CKM: variants seen among roughly 807,000 people sequenced by gnomAD.
CKM encodes the protein creatine kinase M-type.
Under a neutral mutation model 35.4 loss-of-function variants are expected in CKM, and 28 were observed. The ratio of observed to expected loss-of-function variants is 0.79; its 90% CI spans 0.59 to 1.08. The LOEUF (loss-of-function observed/expected upper bound fraction) is 1.08. CKM is among the 50% of genes least tolerant of loss of function. The pLI is 0.00. For missense variants in CKM, 484 were observed against 509.8 expected, an observed-to-expected ratio of 0.95 and a Z score of 0.49; for synonymous variants, 215 against 204.4, an observed-to-expected ratio of 1.05 and a Z score of -0.44.
chr19:45,318,542 A>C (rs575445138), intron 2 of CKM, among the ~76,000 whole-genome samples: 1 of 152,014 alleles, frequency 6.6e-6, no homozygotes, highest in Non-Finnish European at 1.5e-5. Context: ...CAAAGGAGAA[A>C]GGGGAGCTTC....
At chr19:45,320,337 T>A (rs1413386299) in intron 1 of CKM, among the ~76,000 whole-genome samples, 1 of 151,988 alleles carries the variant, frequency 6.6e-6, no homozygotes, top group Non-Finnish European at 1.5e-5. Flanking sequence ...CCTCAAGTGA[T>A]CCACCCGCCT....
chr19:45,308,118 C>T (rs1971071882), intron 6 of CKM, among the ~76,000 whole-genome samples: 1 of 152,126 alleles, frequency 6.6e-6, no homozygotes, highest in African/African-American at 2.4e-5. Flanking sequence ...TCCTCAGCCT[C>T]CCAAAGTGCT....
chr19:45,311,928 G>A lies in CKM; in HGVS notation c.482-8C>T. 1.2e-6 allele frequency: 2 copies of A among 1,613,694 alleles called. No individual in the cohort carries two copies. The highest frequency in any genetic ancestry group is 1.1e-5 in the South Asian group (1 of 91,012). Reference sequence around the variant, plus strand: ...CCGTCAGGCTGTTGAGAGCTATGGGGACACACGAGGGAGTGGTCAGCAGCC... The same window carrying A: ...CCGTCAGGCTGTTGAGAGCTATGGGAACACACGAGGGAGTGGTCAGCAGCC... On this transcript the variant is annotated splice_region_variant and splice_polypyrimidine_tract_variant and intron_variant, in intron 4 of 7. Transcript: ENST00000221476.
rs747623819 is a variant in CKM, at chr19:45,307,627, A to G, written c.801T>C (p.Ala267=). The G allele has an allele frequency of 6.2e-7, 1 of 1,614,060 alleles. No homozygotes were observed. The highest frequency in any genetic ancestry group is 8.5e-7 in the Non-Finnish European group (1 of 1,180,030). Residue 267 remains alanine, a synonymous_variant, in exon 7 of 8, where the codon GCT becomes GCC. Transcript: ENST00000221476. ...GCTGGTTCCACATGAAGGGGTGGCC[A>G]GCTTTCTTAAAGATCTCCTCAATCT... The part of the protein sequence containing the change: ...LQKIEEIFKK[A]GHPFMWNQHL...
At chr19:45,315,682 T>A in intron 3 of CKM, 85 bp from the exon 4 acceptor site, 2 of 1,541,670 alleles carry the variant, frequency 1.3e-6, no homozygotes, top group Non-Finnish European at 1.7e-6. Flanking sequence ...CTCCCCTCAG[T>A]CTCCCTGTTG....
At chr19:45,318,542 AG>A (rs1163975518) in intron 2 of CKM, among the ~76,000 whole-genome samples, 1 of 152,014 alleles carries the variant, frequency 6.6e-6, no homozygotes, top group African/African-American at 2.4e-5. Flanking sequence ...CAAAGGAGAA[AG>A]GGGAGCTTCA....
At chr19:45,313,091 C>T (rs1465432329) in intron 4 of CKM, among the ~76,000 whole-genome samples, 1 of 151,762 alleles carries the variant, frequency 6.6e-6, no homozygotes, top group Non-Finnish European at 1.5e-5. Flanking sequence ...ATATAATATA[C>T]AGACATACCT....
intron 5 of CKM, 94 bp downstream of exon 5, chr19:45,311,655 A>G (rs1024990730): frequency 4.8e-6 from 5 of 1,047,324 alleles, no homozygotes; most frequent in South Asian, 3.0e-5. Context: ...AATTACGTAT[A>G]TGGCCTTGGT....
chr19:45,316,734 C>T (rs560117015), intron 3 of CKM, among the ~76,000 whole-genome samples: 2 of 151,980 alleles, frequency 1.3e-5, no homozygotes, highest in Admixed American at 6.6e-5. Flanking sequence ...CTGATGCTCC[C>T]TTCTGTCTCC....
intron 5 of CKM, 119 bp downstream of exon 5, chr19:45,311,630 C>T: frequency 1.2e-6 from 1 of 842,020 alleles, no homozygotes; most frequent in Non-Finnish European, 1.8e-6. Flanking sequence ...TTTTCCGTGG[C>T]ATTTAGAAGA....
chr19:45,317,092 C>T (rs1971165429), intron 3 of CKM, among the ~76,000 whole-genome samples: 1 of 151,530 alleles, frequency 6.6e-6, no homozygotes. Context: ...CTCTGTGTCT[C>T]TCTGTCCCTC....
intron 2 of CKM, 95 bp from the exon 3 acceptor site, chr19:45,318,074 G>C: frequency 9.7e-7 from 1 of 1,030,878 alleles, no homozygotes. Context: ...ATGTGTGTCG[G>C]GATGGGGGCG....
chr19:45,317,590 C>CTT (rs758467617), intron 3 of CKM, among the ~76,000 whole-genome samples: 3 of 144,672 alleles, frequency 2.1e-5, no homozygotes, highest in Admixed American at 7.0e-5. Flanking sequence ...GTGCCCAGCC[C>CTT]TTTTTTTTTT....
chr19:45,317,227 C>A (rs556283905), intron 3 of CKM, among the ~76,000 whole-genome samples: 9 of 152,156 alleles, frequency 5.9e-5, no homozygotes, highest in Non-Finnish European at 1.0e-4. Flanking sequence ...CCTGCCTCCA[C>A]CTCCTGAGTA....
intron 2 of CKM, 85 bp downstream of exon 2, chr19:45,319,436 C>CT (rs913107737): frequency 1.8e-6 from 2 of 1,094,038 alleles, no homozygotes; most frequent in East Asian, 2.5e-5. Context: ...GCCCCCCCCC[C>CT]TTCAAGGGTG....
chr19:45,308,619 G>A lies in CKM; in HGVS notation c.654-87C>T, dbSNP rs1052753145. ...CCCTCCCCCAAAACATCTGCCCACC[G>A]ATGGGGGAAGAGGGCCTGAGGGGTG... On this transcript the variant is annotated intron_variant, in intron 5 of 7. Coordinates refer to ENST00000221476, the MANE Select transcript of CKM (RefSeq NM_001824.5). The A allele has an allele frequency of 5.2e-6, 8 of 1,545,340 alleles. No homozygotes were observed. In the Admixed American group the frequency reaches 6.7e-5, roughly 13 times the overall value.
At chr19:45,308,290 G>A (rs1971074351) in intron 6 of CKM, 119 bp downstream of exon 6, 5 of 1,278,856 alleles carry the variant, frequency 3.9e-6, no homozygotes, top group Middle Eastern at 2.6e-4. Context: ...GGTCCGGGGG[G>A]CAGGGCCCTG....
At chr19:45,313,388 G>A (rs1048844335) in intron 4 of CKM, among the ~76,000 whole-genome samples, 22 of 152,188 alleles carry the variant, frequency 1.4e-4, no homozygotes, top group East Asian at 5.8e-4. Context: ...GTGTGTGCTC[G>A]GACTGCCCCA....
intron 7 of CKM, among the ~76,000 whole-genome samples, chr19:45,307,130 C>T (rs1302679540): frequency 6.6e-6 from 1 of 152,182 alleles, no homozygotes; most frequent in Non-Finnish European, 1.5e-5. Flanking sequence ...AGTTATCAAA[C>T]ATAGTATAGT....
Sources: gnomAD v4.1 joint callset for allele counts (sites outside exome capture counted in the v4.1 genomes callset) on GRCh38, gnomAD v4.1.1 for gene constraint, MANE v1.5 for transcripts, NCBI Gene and HGNC (gene_info 2026-07-23, HGNC 2026-07-21) for gene names.